Variants in ABCC4 observed in about 807,000 individuals in gnomAD.
The protein encoded by ABCC4 is ATP binding cassette subfamily C member 4 (PEL blood group), also known as ATP-binding cassette sub-family C member 4.
In ABCC4, 102 loss-of-function variants were observed where a neutral mutation model predicts 168.5. The observed-to-expected ratio is 0.61, with a 90% CI of 0.52 to 0.71. The LOEUF (loss-of-function observed/expected upper bound fraction) is 0.71, where lower values mean the gene tolerates loss of function less well. Ranked by LOEUF, ABCC4 falls within the 30% of genes least tolerant of loss-of-function variation. ABCC4 has a pLI of 0.00. For missense variants in ABCC4, 1,402 were observed against 1,605.8 expected, an observed-to-expected ratio of 0.87 and a Z score of 2.17; for synonymous variants, 617 against 590.7, an observed-to-expected ratio of 1.04 and a Z score of -0.65.
intron 1 of ABCC4, among the ~76,000 whole-genome samples, chr13:95,250,218 G>C (rs772862479): frequency 6.6e-6 from 1 of 152,124 alleles, no homozygotes; most frequent in Non-Finnish European, 1.5e-5. Context: ...AACAATTCCA[G>C]ACCACTGCCA....
chr13:95,137,521 G>A (rs1056633459), intron 19 of ABCC4, among the ~76,000 whole-genome samples: 1 of 152,106 alleles, frequency 6.6e-6, no homozygotes, highest in Non-Finnish European at 1.5e-5. Flanking sequence ...TTAAGGGGGG[G>A]TAAAATCGTT....
intron 19 of ABCC4, among the ~76,000 whole-genome samples, chr13:95,140,037 C>T (rs904666942): frequency 5.9e-5 from 9 of 152,288 alleles, no homozygotes; most frequent in Admixed American, 5.9e-4. Flanking sequence ...TTGACCATCT[C>T]CAGGCCTCAT....
chr13:95,161,180 CAG>C lies in ABCC4; in HGVS notation c.2455+7_2455+8del. ...ACATACTTACTGAGAAACTTGGTGT[CAG>C]ACTTACCTATTGGATTTCTATCAAA... is the stretch of plus-strand genomic sequence containing the variant. On this transcript the variant is annotated splice_region_variant and intron_variant, in intron 19 of 30. Transcript: ENST00000645237. The C allele has an allele frequency of 1.3e-6, 2 of 1,584,164 alleles. No individual in the cohort carries two copies.
At chr13:95,029,213 TAGAGAGAGAGAGAG>T (rs1193218745) in intron 30 of ABCC4, among the ~76,000 whole-genome samples, 17 of 36,896 alleles carry the variant, frequency 4.6e-4, no homozygotes, top group African/African-American at 1.7e-3. Flanking sequence ...TATATATATA[TAGAGAGAGAGAGAG>T]AGAGAGAGAG....
intron 15 of ABCC4, among the ~76,000 whole-genome samples, chr13:95,165,307 T>C (rs923942506): frequency 2.0e-5 from 3 of 152,156 alleles, no homozygotes; most frequent in East Asian, 1.9e-4. Context: ...AAGGAAGGGA[T>C]AGCATATGAT....
At position 95,248,106 on chromosome 13, in the gene ABCC4, A is replaced by G. The variant is rs557125049; in HGVS notation, c.75-353T>C. ...AGGCTGGGGCAGAAAAAGATGGCCC[A>G]TGAGATACCATACGATAAGGAAACA... On this transcript the variant is annotated intron_variant, in intron 1 of 30. Coordinates refer to ENST00000645237, the MANE Select transcript of ABCC4 (RefSeq NM_005845.5). Among the ~76,000 whole-genome samples, 10 of 152,344 alleles carry G rather than the reference A, an allele frequency of 6.6e-5. No individual in the cohort carries two copies. In the East Asian group the frequency reaches 1.5e-3, roughly 23 times the overall value.
chr13:95,113,812 G>A (rs989606244), intron 20 of ABCC4, among the ~76,000 whole-genome samples: 4 of 152,136 alleles, frequency 2.6e-5, no homozygotes, highest in African/African-American at 7.2e-5. Flanking sequence ...TGTTTACCAC[G>A]TTTCACTTGA....
intron 19 of ABCC4, among the ~76,000 whole-genome samples, chr13:95,132,339 T>C (rs1448785231): frequency 2.6e-5 from 4 of 152,024 alleles, no homozygotes; most frequent in Admixed American, 6.6e-5. Flanking sequence ...CCTCAGCCTC[T>C]CGAGTAGCTG....
chr13:95,172,371 C>T (rs1404202658), intron 13 of ABCC4, among the ~76,000 whole-genome samples: 5 of 152,164 alleles, frequency 3.3e-5, no homozygotes, highest in African/African-American at 7.2e-5. Flanking sequence ...CACTTGAGGT[C>T]GGGAGTTCAA....
rs531708855 is a variant in ABCC4, at chr13:95,285,276, C to T, written c.74+15965G>A. ...AATAAATAAATAAATAGGGGCCAGG[C>T]GTGGTAGCTTACACCTGTAATCCCA... On this transcript the variant is annotated intron_variant, in intron 1 of 30. Transcript: ENST00000645237. Among the ~76,000 whole-genome samples the T allele has an allele frequency of 1.1e-3, 166 of 149,822 alleles. 2 individuals are homozygous for T. Among genetic ancestry groups the T allele is most frequent in the African/African-American group, 3.9e-3 (159 of 40,636 alleles).
intron 14 of ABCC4, among the ~76,000 whole-genome samples, chr13:95,168,116 G>A (rs747943625): frequency 4.6e-5 from 7 of 151,886 alleles, no homozygotes; most frequent in Non-Finnish European, 1.5e-5. Flanking sequence ...GATTCCCCCC[G>A]ACACCCTGAC....
chr13:95,266,920 A>T (rs1226301176), intron 1 of ABCC4, among the ~76,000 whole-genome samples: 1 of 134,612 alleles, frequency 7.4e-6, no homozygotes, highest in Non-Finnish European at 1.5e-5. Context: ...CCCAGGCTGG[A>T]ATGCAATGGT....
chr13:95,174,680 G>A (rs1041040085), intron 13 of ABCC4, among the ~76,000 whole-genome samples: 5 of 152,096 alleles, frequency 3.3e-5, no homozygotes, highest in Admixed American at 1.3e-4. Context: ...TCCCCGCGGC[G>A]ACTCTAAACA....
intron 13 of ABCC4, among the ~76,000 whole-genome samples, chr13:95,171,849 T>C (rs17189376): frequency 0.15 from 22,764 of 152,190 alleles, 2,335 homozygotes; most frequent in Non-Finnish European, 0.22. Context: ...GTTTGGCTTA[T>C]TTCAAAACTA....
intron 1 of ABCC4, among the ~76,000 whole-genome samples, chr13:95,267,669 C>T (rs1001465304): frequency 1.3e-5 from 2 of 152,100 alleles, no homozygotes; most frequent in African/African-American, 4.8e-5. Flanking sequence ...TCTTCTAAAT[C>T]CTTGGAATGC....
chr13:95,115,467 T>A, intron 20 of ABCC4, among the ~76,000 whole-genome samples: 1 of 149,454 alleles, frequency 6.7e-6, no homozygotes, highest in South Asian at 2.1e-4. Context: ...TTATTACTAA[T>A]CTTTTCTTTG....
At chr13:95,132,376 C>T (rs762826892) in intron 19 of ABCC4, among the ~76,000 whole-genome samples, 17 of 151,908 alleles carry the variant, frequency 1.1e-4, no homozygotes, top group South Asian at 6.3e-4. Context: ...CTGCCAAGCC[C>T]GGCTAATTTT....
chr13:95,123,969 A>T (rs1388804043), intron 19 of ABCC4, among the ~76,000 whole-genome samples: 2 of 152,184 alleles, frequency 1.3e-5, no homozygotes, highest in African/African-American at 4.8e-5. Flanking sequence ...AATGACATCC[A>T]TCAGGACTGA....
At chr13:95,067,447 CT>C (rs1339565199) in intron 25 of ABCC4, among the ~76,000 whole-genome samples, 1 of 152,138 alleles carries the variant, frequency 6.6e-6, no homozygotes, top group Non-Finnish European at 1.5e-5. Context: ...AAGGAAGTTT[CT>C]TGGAAATCAC....
Sources: allele counts gnomAD v4.1 joint callset (sites outside exome capture counted in the v4.1 genomes callset), GRCh38; gene constraint gnomAD v4.1.1; transcripts MANE v1.5; gene names NCBI Gene and HGNC (gene_info 2026-07-23, HGNC 2026-07-21).